The following FPR2 variants were observed in gnomAD, a reference collection of about 807,000 sequenced individuals.
FPR2 encodes formyl peptide receptor 2, also known as N-formyl peptide receptor 2.
Under a neutral mutation model 4.0 loss-of-function variants are expected in FPR2, and 3 were observed. That is an observed-to-expected ratio of 0.74 (90% CI 0.34 to 1.92). FPR2 has a LOEUF of 1.92. Ranked by LOEUF, FPR2 falls within the 30% of genes most tolerant of loss-of-function variation. The pLI, the probability that FPR2 is intolerant of heterozygous loss-of-function variation, is 0.07. For missense variants in FPR2, 372 were observed against 435.7 expected (o/e 0.85, Z 1.30); for synonymous variants, 179 against 171.5 (o/e 1.04, Z -0.34).
intron 1 of FPR2, among the ~76,000 whole-genome samples, chr19:51,764,707 C>A (rs1196344910): frequency 6.6e-6 from 1 of 152,182 alleles, no homozygotes; most frequent in Non-Finnish European, 1.5e-5. Flanking sequence ...GTACAGGTAT[C>A]ATCTGTGGTT....
At chr19:51,762,424 C>T (rs2083843760) in intron 1 of FPR2, 1 of 146,322 alleles carries the variant, frequency 6.8e-6, no homozygotes, top group Non-Finnish European at 1.5e-5. Flanking sequence ...CAGAGTTTTG[C>T]TCTTGTTGCC....
chr19:51,765,869 A>G (rs2083865160), intron 1 of FPR2, among the ~76,000 whole-genome samples: 1 of 152,242 alleles, frequency 6.6e-6, no homozygotes. Context: ...CTAAAAACTC[A>G]TAGTGAGGAG....
chr19:51,762,085 CTT>C lies in FPR2; in HGVS notation c.-15+872_-15+873del, dbSNP rs373394742. On this transcript the variant is annotated intron_variant, in intron 1 of 1. Coordinates refer to ENST00000340023, the MANE Select transcript of FPR2 (RefSeq NM_001005738.2). ...AAATAGCATCACCATTTTATTGGACCTTTTTTTTTTTTTTTTTTGAGACAGAA... is the reference window on the plus strand; with the variant it reads ...AAATAGCATCACCATTTTATTGGACCTTTTTTTTTTTTTTTTGAGACAGAA... Among the ~76,000 whole-genome samples, 380 of 129,872 alleles carry C rather than the reference CTT, an allele frequency of 2.9e-3. 6 individuals are homozygous for C. The East Asian group carries it at 0.039, about 13-fold the overall frequency. 85.2% of individuals were successfully genotyped at this position (129,872 alleles called of 152,430 possible).
intron 1 of FPR2, among the ~76,000 whole-genome samples, chr19:51,764,663 T>G (rs548577216): frequency 3.3e-5 from 5 of 152,294 alleles, no homozygotes; most frequent in African/African-American, 1.2e-4. Flanking sequence ...CTGGCACATA[T>G]TAAGGACTCA....
intron 1 of FPR2, among the ~76,000 whole-genome samples, chr19:51,765,881 C>T (rs1362207892): frequency 6.6e-6 from 1 of 152,160 alleles, no homozygotes; most frequent in Non-Finnish European, 1.5e-5. Flanking sequence ...AGTGAGGAGA[C>T]ATCACAGATG....
intron 1 of FPR2, among the ~76,000 whole-genome samples, chr19:51,765,927 A>AGT (rs1354688074): frequency 6.7e-6 from 1 of 149,900 alleles, no homozygotes; most frequent in African/African-American, 2.4e-5. Context: ...TTCAGAGCCC[A>AGT]GTATATATAT....
chr19:51,762,486 T>TG (rs2083844450), intron 1 of FPR2: 2 of 149,082 alleles, frequency 1.3e-5, no homozygotes, highest in Non-Finnish European at 3.0e-5. Context: ...TCCGCCTCCC[T>TG]GGTTCAAGCG....
chr19:51,762,158 TC>T (rs1186970902), intron 1 of FPR2, among the ~76,000 whole-genome samples: 1 of 149,274 alleles, frequency 6.7e-6, no homozygotes, highest in Non-Finnish European at 1.5e-5. Flanking sequence ...CAGTCTCGGC[TC>T]ACTGCAAACT....
intron 1 of FPR2, among the ~76,000 whole-genome samples, chr19:51,767,097 G>A (rs1242651288): frequency 1.3e-5 from 2 of 151,956 alleles, no homozygotes; most frequent in East Asian, 1.9e-4. Flanking sequence ...TCCACCTTCC[G>A]GTAGGCCCCA....
intron 1 of FPR2, among the ~76,000 whole-genome samples, chr19:51,765,921 G>C (rs2083865608): frequency 6.6e-6 from 1 of 151,254 alleles, no homozygotes; most frequent in Non-Finnish European, 1.5e-5. Context: ...GCTGACTTCA[G>C]AGCCCAGTAT....
At chr19:51,761,827 G>C (rs1360682267) in intron 1 of FPR2, among the ~76,000 whole-genome samples, 1 of 152,188 alleles carries the variant, frequency 6.6e-6, no homozygotes, top group Admixed American at 6.5e-5. Context: ...AGCCAAGTGT[G>C]AGGAGCTTAA....
At chr19:51,768,409 T>C (rs1480221115) in intron 1 of FPR2, 9 of 475,136 alleles carry the variant, frequency 1.9e-5, no homozygotes, top group Admixed American at 1.4e-4. Context: ...GGTGAAGTGA[T>C]CAGCCCGATA....
chr19:51,765,942 T>A (rs2083865823), intron 1 of FPR2, among the ~76,000 whole-genome samples: 1 of 150,582 alleles, frequency 6.6e-6, no homozygotes, highest in Admixed American at 6.6e-5. Flanking sequence ...ATATATATAT[T>A]TTAGACAGAG....
chr19:51,767,444 A>C (rs2083874430), intron 1 of FPR2, among the ~76,000 whole-genome samples: 1 of 152,202 alleles, frequency 6.6e-6, no homozygotes, highest in Admixed American at 6.5e-5. Flanking sequence ...TATTCTTACA[A>C]TGTTATTGTC....
intron 1 of FPR2, among the ~76,000 whole-genome samples, chr19:51,767,393 C>A (rs1599817138): frequency 2.0e-5 from 3 of 151,822 alleles, no homozygotes; most frequent in African/African-American, 7.2e-5. Context: ...AAGAAAAAAA[C>A]AAAAACAAAA....
At chr19:51,767,689 T>C (rs17695032) in intron 1 of FPR2, among the ~76,000 whole-genome samples, 12,064 of 152,168 alleles carry the variant, frequency 0.079, 589 homozygotes, top group South Asian at 0.17. Flanking sequence ...AGTCAGACCA[T>C]GCCAAACTGA....
chr19:51,763,808 A>C (rs1308513581), intron 1 of FPR2, among the ~76,000 whole-genome samples: 2 of 152,150 alleles, frequency 1.3e-5, no homozygotes, highest in African/African-American at 4.8e-5. Context: ...CCCAGGCTGG[A>C]GTGCAGTGGT....
chr19:51,761,978 T>G (rs974463221), intron 1 of FPR2, among the ~76,000 whole-genome samples: 3 of 151,926 alleles, frequency 2.0e-5, no homozygotes, highest in Admixed American at 6.5e-5. Context: ...GTCTGAGGAA[T>G]GCACAGGGCA....
chr19:51,764,857 C>T (rs1347017784), intron 1 of FPR2, among the ~76,000 whole-genome samples: 3 of 152,040 alleles, frequency 2.0e-5, no homozygotes, highest in Non-Finnish European at 2.9e-5. Flanking sequence ...GACAGAGTCT[C>T]GCTCTTTCAC....
Sources: allele counts gnomAD v4.1 joint callset (sites outside exome capture counted in the v4.1 genomes callset), GRCh38; gene constraint gnomAD v4.1.1; transcripts MANE v1.5; gene names NCBI Gene and HGNC (gene_info 2026-07-23, HGNC 2026-07-21).